Variants in UTRN observed in about 807,000 individuals in gnomAD.
The protein encoded by UTRN is dystrophin-related protein 1.
A neutral mutation model predicts 463.9 loss-of-function variants in UTRN; 283 were observed. That is an observed-to-expected ratio of 0.61 (90% confidence interval 0.55 to 0.67). UTRN has a LOEUF of 0.67. UTRN is among the 30% of genes least tolerant of loss of function. The pLI, the probability that UTRN is intolerant of heterozygous loss-of-function variation, is 0.00. For missense variants in UTRN, 3,922 were observed against 4,084.3 expected (o/e 0.96, Z 1.08); for synonymous variants, 1,442 against 1,431.5 (o/e 1.01, Z -0.17).
intron 51 of UTRN, among the ~76,000 whole-genome samples, chr6:144,598,669 G>A (rs1045621873): frequency 2.0e-5 from 3 of 152,032 alleles, no homozygotes; most frequent in Admixed American, 1.3e-4. Context: ...TTTCTTTCAG[G>A]GCCTGCTATC....
At chr6:144,354,990 CTT>C (rs1415429438) in intron 2 of UTRN, among the ~76,000 whole-genome samples, 1 of 152,098 alleles carries the variant, frequency 6.6e-6, no homozygotes, top group East Asian at 1.9e-4. Context: ...CTGTTCTTGT[CTT>C]TGAATCTTTA....
chr6:144,613,585 T>C (rs2128643871), intron 51 of UTRN, among the ~76,000 whole-genome samples: 1 of 152,110 alleles, frequency 6.6e-6, no homozygotes, highest in South Asian at 2.1e-4. Flanking sequence ...AAATTATGGT[T>C]ATGGAAAGCA....
chr6:144,783,151 G>A (rs1775996706), intron 61 of UTRN, among the ~76,000 whole-genome samples: 2 of 151,424 alleles, frequency 1.3e-5, no homozygotes, highest in South Asian at 2.1e-4. Context: ...AGCTGAGATC[G>A]TGCCACTCCA....
intron 44 of UTRN, among the ~76,000 whole-genome samples, chr6:144,538,999 G>A (rs781762748): frequency 6.6e-6 from 1 of 152,130 alleles, no homozygotes; most frequent in South Asian, 2.1e-4. Flanking sequence ...GAGGAGATAA[G>A]AACAGAATGT....
At chr6:144,640,102 T>C (rs1177001642) in intron 51 of UTRN, among the ~76,000 whole-genome samples, 2 of 151,642 alleles carry the variant, frequency 1.3e-5, no homozygotes, top group Non-Finnish European at 2.9e-5. Context: ...GGGATCATGA[T>C]AGTTATAGTC....
intron 65 of UTRN, among the ~76,000 whole-genome samples, chr6:144,810,724 C>A (rs1486095013): frequency 6.6e-6 from 1 of 152,132 alleles, no homozygotes; most frequent in Non-Finnish European, 1.5e-5. Flanking sequence ...AGGTCAACAG[C>A]ATCAGCTACT....
intron 51 of UTRN, among the ~76,000 whole-genome samples, chr6:144,666,047 G>C (rs77175857): frequency 1.8e-4 from 27 of 152,284 alleles, no homozygotes; most frequent in African/African-American, 6.3e-4. Flanking sequence ...GCTGTTTAAA[G>C]TTCAGAAGGG....
chr6:144,474,708 G>A lies in UTRN; in HGVS notation c.3285G>A (p.Val1095=). The A allele has an allele frequency of 6.2e-7, 1 of 1,614,078 alleles. No individual in the cohort carries two copies. The highest frequency in any genetic ancestry group is 8.5e-7 in the Non-Finnish European group (1 of 1,179,990). ...CAGTTGCTGGAATAAAAACTTGGGT[G>A]CAGACAAGACTAGGTGACTACCAAA... ...SGPVAGIKTW[V]QTRLGDYQTQ... Residue 1095 remains valine (V), a synonymous_variant, in exon 25 of 75, where the codon GTG becomes GTA. Coordinates refer to ENST00000367545, the MANE Select transcript of UTRN (RefSeq NM_007124.3).
intron 25 of UTRN, 80 bp from the exon 26 acceptor site, chr6:144,479,732 C>A: frequency 6.7e-7 from 1 of 1,484,816 alleles, no homozygotes; most frequent in Non-Finnish European, 9.0e-7. Flanking sequence ...TATTACTGTG[C>A]CTTTAAATAT....
intron 22 of UTRN, 132 bp from the exon 23 acceptor site, chr6:144,462,522 C>G: frequency 1.3e-6 from 1 of 790,856 alleles, no homozygotes; most frequent in Non-Finnish European, 2.0e-6. Context: ...ACACTCCCAC[C>G]CACTGTTCTT....
rs374635911 is a variant in UTRN at position 144,567,446 on chromosome 6, CTATT to C, written c.7290-9647_7290-9644del. 1.6e-3 allele frequency among the ~76,000 whole-genome samples: 238 copies of C among 152,228 alleles called. 3 individuals are homozygous for C. The highest frequency in any genetic ancestry group is 5.4e-3 in the African/African-American group (225 of 41,550). ...CAAAGAAATGGCTCTGTGGTCTTGA[CTATT>C]TATTTCCTGACAATCACAGCCCCAA... On this transcript the variant is annotated intron_variant, in intron 50 of 74. Coordinates refer to ENST00000367545, the MANE Select transcript of UTRN (RefSeq NM_007124.3).
intron 2 of UTRN, among the ~76,000 whole-genome samples, chr6:144,346,914 T>TATCTATCTATCTATC (rs1562275427): frequency 2.0e-5 from 3 of 149,754 alleles, no homozygotes; most frequent in African/African-American, 7.6e-5. Context: ...ATCATCTATC[T>TATCTATCTATCTATC]ATCTATCGAT....
chr6:144,591,859 C>T (rs918337671), intron 51 of UTRN, among the ~76,000 whole-genome samples: 1 of 151,746 alleles, frequency 6.6e-6, no homozygotes, highest in Non-Finnish European at 1.5e-5. Context: ...CCTTTTTCTT[C>T]AGGGTAAATG....
At chr6:144,630,362 T>C (rs767680154) in intron 51 of UTRN, among the ~76,000 whole-genome samples, 49 of 152,126 alleles carry the variant, frequency 3.2e-4, no homozygotes, top group Non-Finnish European at 8.8e-5. Context: ...TGACACTGGG[T>C]GATTTATAAA....
intron 2 of UTRN, among the ~76,000 whole-genome samples, chr6:144,352,861 T>C (rs571297156): frequency 6.6e-6 from 1 of 152,334 alleles, no homozygotes; most frequent in Non-Finnish European, 1.5e-5. Context: ...TTTATCATAT[T>C]GGGTTTGTGT....
At chr6:144,646,753 A>AT (rs1778347872) in intron 51 of UTRN, among the ~76,000 whole-genome samples, 1 of 152,106 alleles carries the variant, frequency 6.6e-6, no homozygotes, top group South Asian at 2.1e-4. Flanking sequence ...TTACAAAAGA[A>AT]TTTTTCTAAA....
At chr6:144,597,740 CATA>C (rs1231466988) in intron 51 of UTRN, among the ~76,000 whole-genome samples, 1 of 152,212 alleles carries the variant, frequency 6.6e-6, no homozygotes, top group African/African-American at 2.4e-5. Context: ...ATGATTTACT[CATA>C]ATAAGTCAAT....
At chr6:144,329,891 A>G (rs1343996953) in intron 2 of UTRN, among the ~76,000 whole-genome samples, 1 of 152,212 alleles carries the variant, frequency 6.6e-6, no homozygotes, top group African/African-American at 2.4e-5. Context: ...AATGCCCCAT[A>G]TGGCAGGCAC....
chr6:144,751,986 A>T (rs1415874245), intron 56 of UTRN, 34 bp downstream of exon 56: 3 of 1,561,956 alleles, frequency 1.9e-6, no homozygotes, highest in Non-Finnish European at 2.6e-6. Context: ...ATGCAGGCTT[A>T]CACCTTGGGT....
Sources: gnomAD v4.1 joint callset for allele counts (sites outside exome capture counted in the v4.1 genomes callset) on GRCh38, gnomAD v4.1.1 for gene constraint, MANE v1.5 for transcripts, NCBI Gene and HGNC (gene_info 2026-07-23, HGNC 2026-07-21) for gene names.